The following KIF6 variants were observed in gnomAD, a reference collection of about 807,000 sequenced individuals.
KIF6 encodes kinesin family member 6, also known as kinesin-like protein KIF6.
In KIF6, 106 loss-of-function variants were observed where a neutral mutation model predicts 112.7. The observed-to-expected ratio is 0.94, with a 90% CI of 0.80 to 1.11. The LOEUF (loss-of-function observed/expected upper bound fraction) is 1.11. Ranked by LOEUF, KIF6 falls within the 50% of genes least tolerant of loss-of-function variation. The pLI, the probability that KIF6 is intolerant of heterozygous loss-of-function variation, is 0.00. For synonymous variants in KIF6, 339 were observed against 339.9 expected, an observed-to-expected ratio of 1.00 and a Z score of 0.03; for missense variants, 929 against 964.0, an observed-to-expected ratio of 0.96 and a Z score of 0.48.
intron 9 of KIF6, among the ~76,000 whole-genome samples, chr6:39,584,459 A>AAGAC (rs1554130528): frequency 0.016 from 2,091 of 128,250 alleles, 103 homozygotes; most frequent in South Asian, 0.042. Context: ...AAAAAAAAAA[A>AAGAC]AGACTATTAT....
In KIF6 at chr6:39,673,734, A is replaced by C. The variant is rs143455918; in HGVS notation, c.252-33977T>G. Among the ~76,000 whole-genome samples the C allele has an allele frequency of 4.4e-3, 663 of 152,358 alleles. 5 individuals are homozygous for C. Among genetic ancestry groups the C allele is most frequent in the Middle Eastern group, 0.014 (4 of 294 alleles). On this transcript the variant is annotated intron_variant, in intron 3 of 22. Transcript: ENST00000287152. ...CAGATGTAAAATGCTTCAAAGAGGA[A>C]ATATTGACAGATTTTCCTGATGAAT...
chr6:39,681,182 C>T lies in KIF6; in HGVS notation c.251+33510G>A, dbSNP rs187668607. ...ACATTAAGGCAAAATTTTGATGATC[C>T]GATTTGAACACAATGACCATTACAA... On this transcript the variant is annotated intron_variant, in intron 3 of 22. Coordinates refer to ENST00000287152, the MANE Select transcript of KIF6 (RefSeq NM_145027.6). 2.0e-3 allele frequency among the ~76,000 whole-genome samples: 305 copies of T among 152,028 alleles called. 1 individual carries two copies. The highest frequency in any genetic ancestry group is 6.2e-3 in the African/African-American group (259 of 41,468).
intron 14 of KIF6, among the ~76,000 whole-genome samples, chr6:39,424,479 A>C (rs895723523): frequency 1.3e-5 from 2 of 152,240 alleles, no homozygotes; most frequent in Non-Finnish European, 2.9e-5. Flanking sequence ...GCTTGCACCT[A>C]GTAAGCATTC....
At chr6:39,380,051 C>T (rs1766787629) in intron 16 of KIF6, among the ~76,000 whole-genome samples, 1 of 152,230 alleles carries the variant, frequency 6.6e-6, no homozygotes, top group Non-Finnish European at 1.5e-5. Context: ...GTCTCATCTG[C>T]ATTATCAACA....
In KIF6 at chr6:39,584,957, G is replaced by A. The variant is rs1342068601; in HGVS notation, c.1018C>T (p.Gln340Ter). 1 of 1,611,382 alleles carries A rather than the reference G, an allele frequency of 6.2e-7. No homozygotes were observed. Among genetic ancestry groups the A allele is most frequent in the Non-Finnish European group, 8.5e-7 (1 of 1,177,776 alleles). Residue 340 changes from glutamine to a stop codon, truncating the protein, a stop_gained, in exon 9 of 23, where the codon CAG (glutamine) becomes TAG (stop). Transcript: ENST00000287152. LOFTEE classifies it high-confidence loss of function. Reference protein sequence around the residue: ...DESISTCRFAQRVALIKNEAV... With the variant: ...DESISTCRFA ...TCATTCTTTATGAGTGCCACTCGCT[G>A]TGCAAATCTGCAGGTTGATATAGAC...
chr6:39,649,452 C>T (rs1055650545), intron 3 of KIF6, among the ~76,000 whole-genome samples: 7 of 152,150 alleles, frequency 4.6e-5, no homozygotes, highest in Non-Finnish European at 8.8e-5. Context: ...GTAATTTATA[C>T]ATCTGCGGGC....
intron 19 of KIF6, 60 bp from the exon 20 acceptor site, chr6:39,346,586 G>A: frequency 3.1e-6 from 2 of 652,340 alleles, no homozygotes; most frequent in Non-Finnish European, 5.5e-6. Context: ...TGTTATAGCA[G>A]CCTGAGCAGA....
intron 3 of KIF6, among the ~76,000 whole-genome samples, chr6:39,684,542 G>A (rs1471718226): frequency 1.3e-5 from 2 of 151,786 alleles, no homozygotes; most frequent in South Asian, 4.2e-4. Context: ...TTTGAACCCG[G>A]GAGGCGGAGT....
At chr6:39,348,006 AG>A (rs1763941904) in intron 19 of KIF6, among the ~76,000 whole-genome samples, 1 of 152,238 alleles carries the variant, frequency 6.6e-6, no homozygotes, top group Non-Finnish European at 1.5e-5. Context: ...GTAGGACCAG[AG>A]GTAGCCACCA....
At chr6:39,381,247 C>T (rs921171112) in intron 16 of KIF6, among the ~76,000 whole-genome samples, 14 of 152,192 alleles carry the variant, frequency 9.2e-5, no homozygotes, top group Non-Finnish European at 1.9e-4. Flanking sequence ...CAAACCCAAA[C>T]CGATCACACC....
chr6:39,564,385 A>G (rs1450160299), intron 10 of KIF6, among the ~76,000 whole-genome samples: 1 of 152,198 alleles, frequency 6.6e-6, no homozygotes, highest in Admixed American at 6.5e-5. Flanking sequence ...GAGTACTTTG[A>G]GGAATAGAGT....
At chr6:39,401,523 C>A (rs911210146) in intron 15 of KIF6, among the ~76,000 whole-genome samples, 1 of 152,126 alleles carries the variant, frequency 6.6e-6, no homozygotes, top group Non-Finnish European at 1.5e-5. Flanking sequence ...CTCTAGGGGC[C>A]TGTAGAGGAT....
intron 22 of KIF6, among the ~76,000 whole-genome samples, chr6:39,341,989 A>G (rs57892444): frequency 0.017 from 2,651 of 152,296 alleles, 73 homozygotes; most frequent in African/African-American, 0.06. Context: ...AAAATTATTC[A>G]GTGGGCTTCC....
intron 13 of KIF6, among the ~76,000 whole-genome samples, chr6:39,489,001 G>A (rs1425640503): frequency 6.6e-6 from 1 of 152,116 alleles, no homozygotes; most frequent in Non-Finnish European, 1.5e-5. Context: ...GCCATCTGAT[G>A]TCTGACTGTG....
chr6:39,401,837 A>G (rs1185967509), intron 15 of KIF6, among the ~76,000 whole-genome samples: 5 of 151,958 alleles, frequency 3.3e-5, no homozygotes, highest in Admixed American at 6.6e-5. Context: ...AAATATTACT[A>G]CTGCCTGTAG....
At chr6:39,425,320 C>T (rs921654266) in intron 14 of KIF6, among the ~76,000 whole-genome samples, 5 of 152,214 alleles carry the variant, frequency 3.3e-5, no homozygotes, top group African/African-American at 9.6e-5. Context: ...ATACCCTTCC[C>T]TGTCAGAGAG....
At chr6:39,710,643 T>C (rs302588) in intron 3 of KIF6, among the ~76,000 whole-genome samples, 132,352 of 152,160 alleles carry the variant, frequency 0.87, 57,844 homozygotes, top group East Asian at 0.97. Flanking sequence ...CAAATTACCA[T>C]GCTGGAAGTC....
At chr6:39,426,987 T>C (rs529823381) in intron 14 of KIF6, among the ~76,000 whole-genome samples, 1 of 152,286 alleles carries the variant, frequency 6.6e-6, no homozygotes. Context: ...TTAGTGGCAC[T>C]TTGCCAACAT....
intron 5 of KIF6, among the ~76,000 whole-genome samples, chr6:39,624,148 A>T (rs1473648543): frequency 6.6e-6 from 1 of 152,148 alleles, no homozygotes; most frequent in Non-Finnish European, 1.5e-5. Flanking sequence ...ACATGTACAT[A>T]CATTATTAGT....
Sources: allele counts gnomAD v4.1 joint callset (sites outside exome capture counted in the v4.1 genomes callset), GRCh38; gene constraint gnomAD v4.1.1; transcripts MANE v1.5; gene names NCBI Gene and HGNC (gene_info 2026-07-23, HGNC 2026-07-21).